The following MKLN1 variants were observed in gnomAD, a reference collection of about 807,000 sequenced individuals.
MKLN1 encodes the protein muskelin 1, also known as muskelin.
In MKLN1, 18 loss-of-function variants were observed where a neutral mutation model predicts 99.0. The ratio of observed to expected loss-of-function variants is 0.18; its 90% CI spans 0.13 to 0.27. The LOEUF is 0.27. Among genes scored for constraint, MKLN1 ranks in the 10% least tolerant of loss-of-function variants. MKLN1 has a pLI of 1.00. For synonymous variants in MKLN1, 288 were observed against 293.2 expected, an observed-to-expected ratio of 0.98 and a Z score of 0.18; for missense variants, 621 against 875.9, an observed-to-expected ratio of 0.71 and a Z score of 3.67.
At position 131,492,076 on chromosome 7, in the gene MKLN1, C is replaced by T. The variant is rs1475153071; in HGVS notation, c.*4348C>T. The T allele has an allele frequency of 6.6e-6, 1 of 152,122 alleles. No individual in the cohort carries two copies. The highest frequency in any genetic ancestry group is 1.5e-5 in the Non-Finnish European group (1 of 68,012). The allele number at this position is 152,122 out of a possible 1,614,324, so 9.4% of individuals were successfully genotyped here. On this transcript the variant is annotated 3_prime_UTR_variant, in exon 18 of 18. Transcript: ENST00000352689. The stretch of plus-strand genomic sequence containing the variant: ...GGGATAGTAATAATGGCTGTGGCAG[C>T]TTTAATGGAGAAACCTGTGTTGGCC...
intron 3 of MKLN1, among the ~76,000 whole-genome samples, chr7:131,283,314 C>A (rs1798079599): frequency 1.1e-5 from 1 of 93,282 alleles, no homozygotes; most frequent in African/African-American, 5.0e-5. Flanking sequence ...TCCCTCCCTC[C>A]CTCCCTCCCT....
rs1016172163 is a variant in MKLN1, at chr7:131,492,324, A to G, written c.*4596A>G. On this transcript the variant is annotated 3_prime_UTR_variant, in exon 18 of 18. Coordinates refer to ENST00000352689, the MANE Select transcript of MKLN1 (RefSeq NM_013255.5). ...GTTAAGAATTGACTTTAAACTTCTG[A>G]AATAGTTGAATATTAGAAGTGGCTT... 2 of 152,198 alleles carry G rather than the reference A, an allele frequency of 1.3e-5. No homozygotes were observed. The highest frequency in any genetic ancestry group is 4.8e-5 in the African/African-American group (2 of 41,456). The allele number at this position is 152,198 out of a possible 1,614,324, so 9.4% of individuals were successfully genotyped here.
At chr7:131,237,061 T>G (rs189815687) in intron 3 of MKLN1, among the ~76,000 whole-genome samples, 205 of 152,284 alleles carry the variant, frequency 1.3e-3, no homozygotes, top group African/African-American at 4.5e-3. Flanking sequence ...ACTGATTTTT[T>G]GTTTGTTTGC....
At chr7:131,366,426 G>A (rs187867107) in intron 1 of MKLN1, among the ~76,000 whole-genome samples, 1 of 152,264 alleles carries the variant, frequency 6.6e-6, no homozygotes, top group East Asian at 1.9e-4. Context: ...GGGGCTTACT[G>A]ATAAGCATCC....
chr7:131,328,756 C>T (rs1798975090), intron 1 of MKLN1, among the ~76,000 whole-genome samples: 2 of 152,198 alleles, frequency 1.3e-5, no homozygotes, highest in African/African-American at 4.8e-5. Flanking sequence ...ATTTGATTTT[C>T]AACACCGGCT....
chr7:131,323,319 A>G (rs1798821560), upstream of MKLN1: 1 of 152,182 alleles, frequency 6.6e-6, no homozygotes, highest in Admixed American at 6.5e-5. Context: ...AAAGGGAGAA[A>G]GCCTCTGAAG....
At chr7:131,204,737 A>C (rs750212177) in intron 3 of MKLN1, among the ~76,000 whole-genome samples, 24 of 152,004 alleles carry the variant, frequency 1.6e-4, no homozygotes, top group Non-Finnish European at 3.2e-4. Context: ...AGGCCAAGGC[A>C]GGCCGATCAC....
At chr7:131,164,364 C>A (rs1299714708) in intron 2 of MKLN1, among the ~76,000 whole-genome samples, 2 of 152,208 alleles carry the variant, frequency 1.3e-5, no homozygotes, top group Non-Finnish European at 2.9e-5. Context: ...ATCTGCCTGC[C>A]TTGGCCTCCC....
upstream of MKLN1, chr7:131,327,751 T>C: frequency 1.5e-6 from 2 of 1,378,790 alleles, no homozygotes; most frequent in Non-Finnish European, 1.9e-6. Flanking sequence ...AGATAGGACA[T>C]TGGCCCGGCG....
chr7:131,224,169 T>TG (rs1453044990), intron 3 of MKLN1, among the ~76,000 whole-genome samples: 2 of 152,124 alleles, frequency 1.3e-5, no homozygotes, highest in African/African-American at 4.8e-5. Flanking sequence ...GGGAAGCTAT[T>TG]GGGGACAATC....
intron 6 of MKLN1, among the ~76,000 whole-genome samples, chr7:131,407,009 A>T (rs1794727748): frequency 1.3e-5 from 2 of 152,062 alleles, no homozygotes; most frequent in South Asian, 4.1e-4. Context: ...AATTAAATAT[A>T]TGTTGCCTTT....
intron 2 of MKLN1, among the ~76,000 whole-genome samples, chr7:131,174,005 G>C (rs866153999): frequency 1.5e-5 from 2 of 134,822 alleles, no homozygotes; most frequent in African/African-American, 2.8e-5. Flanking sequence ...CGGGAGTCTC[G>C]GTCTGTCACC....
chr7:131,281,616 A>G (rs1161014962), intron 3 of MKLN1, among the ~76,000 whole-genome samples: 1 of 151,682 alleles, frequency 6.6e-6, no homozygotes, highest in Non-Finnish European at 1.5e-5. Context: ...ATTTTTCAGG[A>G]TTATTCATTG....
chr7:131,283,352 CCTTCCTT>C (rs1563278454), intron 3 of MKLN1, among the ~76,000 whole-genome samples: 51 of 37,918 alleles, frequency 1.3e-3, no homozygotes, highest in Admixed American at 5.0e-3. Context: ...TCCCCTCCTT[CCTTCCTT>C]CCTTCCTTCC....
chr7:131,355,015 A>C (rs1327057969), intron 1 of MKLN1, among the ~76,000 whole-genome samples: 1 of 152,142 alleles, frequency 6.6e-6, no homozygotes. Flanking sequence ...TCCTGGCCTT[A>C]AGTAATCCTA....
intron 3 of MKLN1, among the ~76,000 whole-genome samples, chr7:131,270,152 G>A (rs917698828): frequency 2.6e-5 from 4 of 152,098 alleles, no homozygotes; most frequent in South Asian, 2.1e-4. Flanking sequence ...TCGATCTCCC[G>A]ACTTCATGAT....
At chr7:131,296,692 C>T (rs7783819) in intron 3 of MKLN1, among the ~76,000 whole-genome samples, 13,501 of 152,090 alleles carry the variant, frequency 0.089, 736 homozygotes, top group African/African-American at 0.15. Flanking sequence ...AGTTTGAGAC[C>T]GGCATAAGCA....
At chr7:131,453,561 A>C (rs926586023) in intron 12 of MKLN1, among the ~76,000 whole-genome samples, 1 of 152,126 alleles carries the variant, frequency 6.6e-6, no homozygotes, top group Non-Finnish European at 1.5e-5. Flanking sequence ...TAAATGGGAA[A>C]ATCTGGATCC....
intron 2 of MKLN1, among the ~76,000 whole-genome samples, chr7:131,170,173 T>C (rs1415592344): frequency 5.3e-5 from 8 of 152,212 alleles, no homozygotes; most frequent in Non-Finnish European, 1.0e-4. Flanking sequence ...ACCCTCATCA[T>C]AGCTAACAAT....
Sources: allele counts gnomAD v4.1 joint callset (sites outside exome capture counted in the v4.1 genomes callset), GRCh38; gene constraint gnomAD v4.1.1; transcripts MANE v1.5; gene names NCBI Gene and HGNC (gene_info 2026-07-23, HGNC 2026-07-21).